B3GALT5: variants seen among roughly 807,000 people sequenced by gnomAD.
The protein encoded by B3GALT5 is beta-1,3-galactosyltransferase 5.
For missense variants in B3GALT5, 328 were observed against 396.6 expected (o/e 0.83, Z 1.47); for synonymous variants, 156 against 158.6 (o/e 0.98, Z 0.12).
Position 39,665,789 on chromosome 21 carries a change from T to C in B3GALT5, c.*4297T>C, listed in dbSNP as rs1481431567. The C allele has an allele frequency of 6.6e-6, 1 of 152,294 alleles. No individual in the cohort carries two copies. Among genetic ancestry groups the C allele is most frequent in the African/African-American group, 2.4e-5 (1 of 41,474 alleles). 9.4% of individuals were successfully genotyped at this position (152,294 alleles called of 1,614,324 possible). A position where few individuals can be genotyped will look rare whatever the true frequency, so the allele number is the denominator to read the frequency against. ...CCATGCCCCGTACCTTATATTGTTT[T>C]CCTTGCACTTACCAATTTCTAACAA... On this transcript the variant is annotated 3_prime_UTR_variant, in exon 4 of 4. Transcript: ENST00000684187.
At chr21:39,657,189 T>C (rs1168149185) in intron 2 of B3GALT5, 6 of 152,298 alleles carry the variant, frequency 3.9e-5, no homozygotes, top group Non-Finnish European at 5.9e-5. Context: ...TTGGCTGGAT[T>C]AATAAATACC....
chr21:39,648,819 G>T (rs564892707), intron 2 of B3GALT5, among the ~76,000 whole-genome samples: 16 of 152,078 alleles, frequency 1.1e-4, no homozygotes, highest in Admixed American at 5.9e-4. Context: ...TGGAGCGCTC[G>T]TGATGAGATG....
At chr21:39,650,548 T>G (rs1277625895) in intron 2 of B3GALT5, among the ~76,000 whole-genome samples, 1 of 152,118 alleles carries the variant, frequency 6.6e-6, no homozygotes, top group Non-Finnish European at 1.5e-5. Flanking sequence ...AAAGAAACCA[T>G]TCCTCCCTGG....
At position 39,661,066 on chromosome 21, in the gene B3GALT5, G is replaced by C; in HGVS notation, c.507G>C (p.Leu169=). Residue 169 remains leucine, a synonymous_variant, in exon 4 of 4, where the codon CTG becomes CTC. Transcript: ENST00000684187. The surrounding 1 kb of genome is among the most constrained non-coding windows in gnomAD (Gnocchi z 4.7). The stretch of plus-strand genomic sequence containing the variant: ...TCAATGTTGACTATCTGACTGAACT[G>C]CTTCTGAAGAAAAACAGAACAACCA... ...MFINVDYLTE[L]LLKKNRTTRF... 1.2e-6 allele frequency: 2 copies of C among 1,614,198 alleles called. No individual in the cohort carries two copies. The highest frequency in any genetic ancestry group is 1.7e-6 in the Non-Finnish European group (2 of 1,180,028).
chr21:39,615,398 G>C (rs1222831002), intron 1 of B3GALT5, among the ~76,000 whole-genome samples: 3 of 152,208 alleles, frequency 2.0e-5, no homozygotes, highest in African/African-American at 7.2e-5. Context: ...AGAATTAGGA[G>C]CTCTGAGTAT....
intron 1 of B3GALT5, among the ~76,000 whole-genome samples, chr21:39,633,275 C>T (rs1171604836): frequency 6.6e-6 from 1 of 152,118 alleles, no homozygotes; most frequent in Non-Finnish European, 1.5e-5. Context: ...CTCATCACCA[C>T]TGTGATGAGG....
At chr21:39,613,542 T>C (rs2079091808) in intron 1 of B3GALT5, among the ~76,000 whole-genome samples, 1 of 152,210 alleles carries the variant, frequency 6.6e-6, no homozygotes, top group Non-Finnish European at 1.5e-5. Context: ...CATTAAGAGA[T>C]GACACCAGGG....
chr21:39,616,047 GGGAACA>G (rs1793741672), intron 1 of B3GALT5, among the ~76,000 whole-genome samples: 1 of 152,096 alleles, frequency 6.6e-6, no homozygotes, highest in Non-Finnish European at 1.5e-5. Context: ...CTAACATCAG[GGGAACA>G]ATATTTAGTT....
chr21:39,626,773 T>C (rs1347349926), intron 1 of B3GALT5, among the ~76,000 whole-genome samples: 5 of 151,944 alleles, frequency 3.3e-5, no homozygotes, highest in Admixed American at 6.6e-5. Context: ...CCTTTGCCCC[T>C]TTTTAAACTG....
chr21:39,655,030 A>G (rs912649344), intron 2 of B3GALT5, among the ~76,000 whole-genome samples: 19 of 152,208 alleles, frequency 1.2e-4, no homozygotes, highest in Admixed American at 1.1e-3. Context: ...ACAGAAAGAA[A>G]TTTATCATGA....
At chr21:39,637,692 G>C (rs1408211385) in intron 1 of B3GALT5, among the ~76,000 whole-genome samples, 1 of 152,196 alleles carries the variant, frequency 6.6e-6, no homozygotes, top group Non-Finnish European at 1.5e-5. Context: ...TTGCCACCAG[G>C]GAACCCACCT....
chr21:39,652,957 T>C (rs534138585), intron 2 of B3GALT5, among the ~76,000 whole-genome samples: 14 of 152,358 alleles, frequency 9.2e-5, no homozygotes, highest in African/African-American at 3.4e-4. Context: ...TTAAAAATAT[T>C]AACATGGTAC....
intron 1 of B3GALT5, among the ~76,000 whole-genome samples, chr21:39,632,343 G>A (rs1173397630): frequency 6.6e-6 from 1 of 152,176 alleles, no homozygotes; most frequent in East Asian, 1.9e-4. Flanking sequence ...GGTGACCTTT[G>A]GTATGTTCAG....
At chr21:39,646,650 A>C (rs1207693135) in intron 2 of B3GALT5, 28 bp downstream of exon 2, 2 of 152,224 alleles carry the variant, frequency 1.3e-5, no homozygotes, top group Non-Finnish European at 2.9e-5. Context: ...GTTTGTACCA[A>C]GAATTAATAA....
At position 39,641,527 on chromosome 21, in the gene B3GALT5, G is replaced by A. The variant is rs543262570; in HGVS notation, c.-391-4865G>A. ...ATGTAATGCTTGAATTCCCTTTACC[G>A]CGTTTTTTAATATCTTCATGGTAAA... On this transcript the variant is annotated intron_variant, in intron 1 of 3. Coordinates refer to ENST00000684187, the MANE Select transcript of B3GALT5 (RefSeq NM_001356336.2). Among the ~76,000 whole-genome samples the A allele has an allele frequency of 3.4e-4, 51 of 152,088 alleles. No individual in the cohort carries two copies. In the South Asian group the frequency reaches 7.9e-3, roughly 24 times the overall value.
rs1039297555 is a variant in B3GALT5, at chr21:39,664,394, G to C, written c.*2902G>C. 6 of 152,716 alleles carry C rather than the reference G, an allele frequency of 3.9e-5. No individual in the cohort carries two copies. The highest frequency in any genetic ancestry group is 1.4e-4 in the African/African-American group (6 of 41,392). 9.5% of individuals were successfully genotyped at this position (152,716 alleles called of 1,614,324 possible). A position where few individuals can be genotyped will look rare whatever the true frequency, so the allele number is the denominator to read the frequency against. ...CCGTGGTGCCAGAACCCCTGGTATT[G>C]GACTGACTCCAGCTCTTCTTCCACA... On this transcript the variant is annotated 3_prime_UTR_variant, in exon 4 of 4. Transcript: ENST00000684187.
At chr21:39,616,921 A>G in intron 1 of B3GALT5, among the ~76,000 whole-genome samples, 1 of 152,130 alleles carries the variant, frequency 6.6e-6, no homozygotes, top group East Asian at 1.9e-4. Flanking sequence ...TACATTTTTT[A>G]TTTTTCAAAT....
At chr21:39,649,731 C>A (rs950628442) in intron 2 of B3GALT5, among the ~76,000 whole-genome samples, 1 of 151,962 alleles carries the variant, frequency 6.6e-6, no homozygotes, top group Non-Finnish European at 1.5e-5. Context: ...GGGTGGGGGA[C>A]GAGGAACCGA....
At chr21:39,628,597 C>T (rs1036854066) in intron 1 of B3GALT5, among the ~76,000 whole-genome samples, 3 of 152,252 alleles carry the variant, frequency 2.0e-5, no homozygotes, top group African/African-American at 7.2e-5. Context: ...CTGCCACTGG[C>T]TCATACACAA....
Sources: allele counts gnomAD v4.1 joint callset (sites outside exome capture counted in the v4.1 genomes callset), GRCh38; gene constraint gnomAD v4.1.1; non-coding constraint Gnocchi (gnomAD v3.1); transcripts MANE v1.5; gene names NCBI Gene and HGNC (gene_info 2026-07-23, HGNC 2026-07-21).